CCDC152: variants seen among roughly 807,000 people sequenced by gnomAD.
CCDC152 encodes the protein coiled-coil domain containing 152.
A neutral mutation model predicts 38.1 loss-of-function variants in CCDC152; 37 were observed. That is an observed-to-expected ratio of 0.97 (90% CI 0.75 to 1.28). The LOEUF (loss-of-function observed/expected upper bound fraction) is 1.28. Among genes scored for constraint, CCDC152 ranks in the 50% most tolerant of loss-of-function variants. The probability of loss-of-function intolerance (pLI) is 0.00; values close to 1 mark genes in which losing one functional copy is unlikely to be tolerated. For synonymous variants in CCDC152, 83 were observed against 87.1 expected (o/e 0.95, Z 0.26); for missense variants, 259 against 292.1 (o/e 0.89, Z 0.83).
At chr5:42,790,558 G>A (rs188898741) in intron 6 of CCDC152, among the ~76,000 whole-genome samples, 222 of 152,304 alleles carry the variant, frequency 1.5e-3, no homozygotes, top group Middle Eastern at 0.014. Flanking sequence ...TTAGACATTT[G>A]AGAAGTTTAT....
intron 5 of CCDC152, among the ~76,000 whole-genome samples, chr5:42,780,465 T>C (rs1303139754): frequency 6.6e-6 from 1 of 152,096 alleles, no homozygotes; most frequent in African/African-American, 2.4e-5. Flanking sequence ...ATATATTGAC[T>C]CTAGATCTCA....
At chr5:42,761,937 C>T (rs1322753870) in intron 2 of CCDC152, among the ~76,000 whole-genome samples, 1 of 152,154 alleles carries the variant, frequency 6.6e-6, no homozygotes, top group Non-Finnish European at 1.5e-5. Context: ...ATTTAAAATA[C>T]AGTCATATAT....
At chr5:42,793,284 CA>C (rs1290238110) in intron 6 of CCDC152, among the ~76,000 whole-genome samples, 1 of 152,020 alleles carries the variant, frequency 6.6e-6, no homozygotes, top group Non-Finnish European at 1.5e-5. Flanking sequence ...AGTATTTGAG[CA>C]AAAGGATAGA....
chr5:42,778,193 T>C (rs757146591), intron 4 of CCDC152, among the ~76,000 whole-genome samples: 8 of 152,224 alleles, frequency 5.3e-5, no homozygotes, highest in Non-Finnish European at 1.2e-4. Flanking sequence ...TATTTCCATA[T>C]TCTAGTGACA....
At chr5:42,763,236 C>T (rs1759579371) in intron 3 of CCDC152, among the ~76,000 whole-genome samples, 1 of 152,168 alleles carries the variant, frequency 6.6e-6, no homozygotes, top group African/African-American at 2.4e-5. Flanking sequence ...CAAAAGCCAA[C>T]TGAAAGAGCC....
intron 4 of CCDC152, among the ~76,000 whole-genome samples, chr5:42,770,686 AT>A (rs1759685653): frequency 6.6e-6 from 1 of 152,136 alleles, no homozygotes; most frequent in Non-Finnish European, 1.5e-5. Flanking sequence ...TGTCATTGGC[AT>A]TTTGATAGCG....
rs773600436 is a variant in CCDC152 at position 42,799,769 on chromosome 5, T to C, written c.753T>C (p.Arg251=). 2 of 1,550,828 alleles carry C rather than the reference T, an allele frequency of 1.3e-6. No individual in the cohort carries two copies. The highest frequency in any genetic ancestry group is 1.2e-5 in the South Asian group (1 of 83,844). Residue 251 remains arginine (R), a synonymous_variant, in exon 9 of 9, where the codon CGT becomes CGC. Coordinates refer to ENST00000361970, the MANE Select transcript of CCDC152 (RefSeq NM_001134848.2). ...TTGGCAAAGATTCTCACCTTAAGCG[T>C]AGACGGTTTTGAGCTTAGCAGTAAA... ...LSVGKDSHLK[R]RRF
Position 42,765,170 on chromosome 5 carries a change from A to G in CCDC152, c.193+2622A>G, listed in dbSNP as rs184925185. Among the ~76,000 whole-genome samples the G allele has an allele frequency of 1.2e-4, 19 of 152,314 alleles. No individual in the cohort carries two copies. In the East Asian group the frequency reaches 2.3e-3, roughly 19 times the overall value. On this transcript the variant is annotated intron_variant, in intron 3 of 8. Coordinates refer to ENST00000361970, the MANE Select transcript of CCDC152 (RefSeq NM_001134848.2). ...AATTTAAAAAGTAATCCCATTTACAATAGCTACAAATAAAATTGAATACCT... is the reference window on the plus strand; with the variant it reads ...AATTTAAAAAGTAATCCCATTTACAGTAGCTACAAATAAAATTGAATACCT...
Position 42,800,816 on chromosome 5 carries a change from A to T in CCDC152, c.*1035A>T. On this transcript the variant is annotated 3_prime_UTR_variant, in exon 9 of 9. Transcript: ENST00000361970. ...TAAGCTGCTGACTTATTTGTCAGGC[A>T]GCTGGAGGCAAACGTCACTGACAAG... 6.2e-7 allele frequency: 1 copy of T among 1,614,228 alleles called. No homozygotes were observed. Among genetic ancestry groups the T allele is most frequent in the Non-Finnish European group, 8.5e-7 (1 of 1,180,034 alleles).
At chr5:42,758,373 A>G (rs929313386) in intron 1 of CCDC152, among the ~76,000 whole-genome samples, 8 of 152,172 alleles carry the variant, frequency 5.3e-5, no homozygotes, top group Non-Finnish European at 1.0e-4. Context: ...CACACCATAC[A>G]TTGGTTCATG....
chr5:42,789,217 TC>T (rs1160204018), intron 6 of CCDC152, among the ~76,000 whole-genome samples: 2 of 152,224 alleles, frequency 1.3e-5, no homozygotes, highest in Non-Finnish European at 2.9e-5. Flanking sequence ...GGCTCTGAGT[TC>T]CTTTGGTGTT....
chr5:42,783,703 A>G, intron 6 of CCDC152, 127 bp downstream of exon 6: 1 of 305,694 alleles, frequency 3.3e-6, no homozygotes, highest in Non-Finnish European at 5.8e-6. Context: ...TATATAGTGA[A>G]CATAACTCGT....
chr5:42,757,277 T>C (rs1759493282), intron 1 of CCDC152, among the ~76,000 whole-genome samples: 1 of 151,976 alleles, frequency 6.6e-6, no homozygotes, highest in Non-Finnish European at 1.5e-5. Flanking sequence ...GAGTGAATTC[T>C]TGAGGGGAGG....
chr5:42,766,186 G>C (rs1025436493), intron 3 of CCDC152, among the ~76,000 whole-genome samples: 12 of 152,174 alleles, frequency 7.9e-5, no homozygotes, highest in Admixed American at 3.9e-4. Flanking sequence ...TTGATCATCA[G>C]AGAAATGCAA....
chr5:42,762,986 G>A (rs935826760), intron 3 of CCDC152, among the ~76,000 whole-genome samples: 3 of 152,160 alleles, frequency 2.0e-5, no homozygotes, highest in South Asian at 4.1e-4. Flanking sequence ...GAGCCTAGAG[G>A]CAATAATGCC....
intron 3 of CCDC152, among the ~76,000 whole-genome samples, chr5:42,767,260 G>T (rs1384405078): frequency 6.6e-6 from 1 of 151,976 alleles, no homozygotes; most frequent in Admixed American, 6.6e-5. Flanking sequence ...TTTATTTTCT[G>T]CATTTGATGC....
chr5:42,773,135 A>G (rs1257694382), intron 4 of CCDC152, among the ~76,000 whole-genome samples: 1 of 152,228 alleles, frequency 6.6e-6, no homozygotes, highest in Non-Finnish European at 1.5e-5. Flanking sequence ...ATAGCAAGAA[A>G]AGTAAACTAA....
rs560267128 is a variant in CCDC152 at position 42,777,229 on chromosome 5, C to T, written c.263-2229C>T. ...AGAAATGAAAGAAAGGACATCACTA[C>T]AAATGTCATGTTCATTAAGAGGATA... On this transcript the variant is annotated intron_variant, in intron 4 of 8. Transcript: ENST00000361970. 2.0e-5 allele frequency among the ~76,000 whole-genome samples: 3 copies of T among 152,050 alleles called. No homozygotes were observed. In the South Asian group the frequency reaches 6.2e-4, roughly 32 times the overall value.
intron 4 of CCDC152, among the ~76,000 whole-genome samples, chr5:42,776,942 G>A (rs1033961199): frequency 6.6e-6 from 1 of 152,066 alleles, no homozygotes; most frequent in African/African-American, 2.4e-5. Context: ...AGCGTTAAAT[G>A]TGCATATGAG....
Sources: allele counts gnomAD v4.1 joint callset (sites outside exome capture counted in the v4.1 genomes callset), GRCh38; gene constraint gnomAD v4.1.1; transcripts MANE v1.5; gene names NCBI Gene and HGNC (gene_info 2026-07-23, HGNC 2026-07-21).